Variants in NDST4 observed in about 807,000 individuals in gnomAD.
NDST4 encodes N-deacetylase and N-sulfotransferase 4.
NDST4 carries 63 observed loss-of-function variants against 100.8 expected under a neutral mutation model. That is an observed-to-expected ratio of 0.62 (90% CI 0.51 to 0.77). The LOEUF (loss-of-function observed/expected upper bound fraction) is 0.77, where lower values mean the gene tolerates loss of function less well. Among genes scored for constraint, NDST4 ranks in the 30% least tolerant of loss-of-function variants. The pLI, the probability that NDST4 is intolerant of heterozygous loss-of-function variation, is 0.00. For synonymous variants in NDST4, 377 were observed against 361.8 expected (o/e 1.04, Z -0.48); for missense variants, 943 against 1,018.4 (o/e 0.93, Z 1.01).
intron 11 of NDST4, among the ~76,000 whole-genome samples, chr4:114,835,295 C>T (rs187315162): frequency 1.1e-4 from 16 of 152,112 alleles, no homozygotes; most frequent in Non-Finnish European, 1.8e-4. Flanking sequence ...TACCTGTGTC[C>T]CAGTGATTCT....
At chr4:115,095,113 G>A (rs1729594112) in intron 1 of NDST4, among the ~76,000 whole-genome samples, 1 of 152,018 alleles carries the variant, frequency 6.6e-6, no homozygotes, top group African/African-American at 2.4e-5. Flanking sequence ...CTTACAGCAT[G>A]ATCACTGCTG....
chr4:114,990,184 T>C (rs930719503), intron 2 of NDST4, among the ~76,000 whole-genome samples: 1 of 152,080 alleles, frequency 6.6e-6, no homozygotes, highest in African/African-American at 2.4e-5. Flanking sequence ...TAGATACAGG[T>C]TCATTGTGGA....
chr4:114,855,225 C>A (rs1014553704), intron 7 of NDST4, among the ~76,000 whole-genome samples: 6 of 150,474 alleles, frequency 4.0e-5, no homozygotes, highest in Admixed American at 1.3e-4. Flanking sequence ...TTACTTCAAT[C>A]TTTGGGTTGT....
chr4:114,832,829 G>C (rs960766660), intron 12 of NDST4, among the ~76,000 whole-genome samples: 2 of 152,192 alleles, frequency 1.3e-5, no homozygotes, highest in Non-Finnish European at 2.9e-5. Context: ...ACCACAAGGT[G>C]AGAAAGCCAA....
At chr4:114,842,164 T>C (rs1047480281) in intron 10 of NDST4, among the ~76,000 whole-genome samples, 1 of 152,230 alleles carries the variant, frequency 6.6e-6, no homozygotes, top group Non-Finnish European at 1.5e-5. Context: ...CCATCATTGC[T>C]GTAGGCGAAT....
intron 1 of NDST4, among the ~76,000 whole-genome samples, chr4:115,111,560 AT>A (rs1408547334): frequency 6.6e-6 from 1 of 151,692 alleles, no homozygotes; most frequent in Non-Finnish European, 1.5e-5. Context: ...TAATTTACAT[AT>A]ATTTGCATTT....
At chr4:114,939,594 A>T (rs1725704019) in intron 4 of NDST4, among the ~76,000 whole-genome samples, 1 of 152,136 alleles carries the variant, frequency 6.6e-6, no homozygotes, top group Non-Finnish European at 1.5e-5. Context: ...ATCAGCAAAA[A>T]GTATTGAAAT....
At chr4:114,843,967 A>T (rs1723489241) in intron 10 of NDST4, among the ~76,000 whole-genome samples, 1 of 150,202 alleles carries the variant, frequency 6.7e-6, no homozygotes, top group Non-Finnish European at 1.5e-5. Flanking sequence ...CACTTTTTTT[A>T]GTCCCCACCT....
intron 2 of NDST4, among the ~76,000 whole-genome samples, chr4:115,044,342 G>C (rs184672777): frequency 1.3e-5 from 2 of 152,162 alleles, no homozygotes; most frequent in Admixed American, 6.6e-5. Flanking sequence ...AGACACAACC[G>C]TGAGCTGAAC....
chr4:114,839,964 A>G (rs570292977), intron 10 of NDST4, among the ~76,000 whole-genome samples: 3 of 152,290 alleles, frequency 2.0e-5, no homozygotes, highest in African/African-American at 7.2e-5. Flanking sequence ...AACCCTAATG[A>G]AAAATTTAGA....
At chr4:114,954,715 G>T (rs1237345762) in intron 4 of NDST4, among the ~76,000 whole-genome samples, 2 of 151,960 alleles carry the variant, frequency 1.3e-5, no homozygotes, top group African/African-American at 4.8e-5. Flanking sequence ...ATTTGGATCT[G>T]TGTTCTCACC....
At chr4:114,937,622 A>G in intron 4 of NDST4, 119 bp from the exon 5 acceptor site, 1 of 815,194 alleles carries the variant, frequency 1.2e-6, no homozygotes, top group Admixed American at 3.4e-5. Flanking sequence ...AGAATTAAAA[A>G]TCCAGCAAGG....
chr4:114,949,250 T>C (rs1024237350), intron 4 of NDST4, among the ~76,000 whole-genome samples: 19 of 151,940 alleles, frequency 1.3e-4, no homozygotes, highest in Non-Finnish European at 1.5e-5. Context: ...TATTATTCTA[T>C]ATAAATATTC....
intron 2 of NDST4, among the ~76,000 whole-genome samples, chr4:115,069,955 G>A (rs1729037193): frequency 6.6e-6 from 1 of 152,074 alleles, no homozygotes; most frequent in African/African-American, 2.4e-5. Flanking sequence ...AAAAAGGAAT[G>A]CTTATATACT....
At chr4:114,890,001 T>C (rs1270266341) in intron 6 of NDST4, among the ~76,000 whole-genome samples, 6 of 152,166 alleles carry the variant, frequency 3.9e-5, no homozygotes, top group African/African-American at 1.4e-4. Flanking sequence ...TTGGTGCCTT[T>C]CTCAAGCTAT....
At chr4:114,960,477 G>A (rs1456647514) in intron 4 of NDST4, among the ~76,000 whole-genome samples, 1 of 151,934 alleles carries the variant, frequency 6.6e-6, no homozygotes, top group Non-Finnish European at 1.5e-5. Flanking sequence ...GTGGTGGCAG[G>A]TGCCTGTAAT....
chr4:115,076,442 A>C lies in NDST4; in HGVS notation c.595T>G (p.Ser199Ala). The change falls in exon 2 of 14, where the codon TCT (serine) becomes GCT (alanine). Residue 199 changes from serine (S) to alanine (A), a missense_variant. Transcript: ENST00000264363. ...GCTTTGGTAATATGCAGCAAAGGAG[A>C]TTGAGGGTTAACAAAACAGTCCTTT... ...ALKDCFVNPQ[S>A]PLLHITKAPK... The C allele has an allele frequency of 6.2e-7, 1 of 1,613,952 alleles. No homozygotes were observed. Among genetic ancestry groups the C allele is most frequent in the South Asian group, 1.1e-5 (1 of 91,074 alleles).
At chr4:114,879,085 C>A (rs558638073) in intron 6 of NDST4, among the ~76,000 whole-genome samples, 1 of 151,852 alleles carries the variant, frequency 6.6e-6, no homozygotes, top group Non-Finnish European at 1.5e-5. Context: ...TGAAGTACAA[C>A]GTGAAGTTTT....
chr4:115,043,089 T>C (rs577002123), intron 2 of NDST4, among the ~76,000 whole-genome samples: 6 of 152,174 alleles, frequency 3.9e-5, no homozygotes, highest in African/African-American at 1.2e-4. Flanking sequence ...TGAAAAACAG[T>C]CTACTCTCAG....
Sources: gnomAD v4.1 joint callset for allele counts (sites outside exome capture counted in the v4.1 genomes callset) on GRCh38, gnomAD v4.1.1 for gene constraint, MANE v1.5 for transcripts, NCBI Gene and HGNC (gene_info 2026-07-23, HGNC 2026-07-21) for gene names.